Variants in CRB1 observed in about 807,000 individuals in gnomAD.
CRB1 encodes protein crumbs homolog 1.
A neutral mutation model predicts 120.0 loss-of-function variants in CRB1; 83 were observed. That is an observed-to-expected ratio of 0.69 (90% CI 0.58 to 0.83). The LOEUF (loss-of-function observed/expected upper bound fraction) is 0.83. Among genes scored for constraint, CRB1 ranks in the 40% least tolerant of loss-of-function variants. The pLI, the probability that CRB1 is intolerant of heterozygous loss-of-function variation, is 0.00. For missense variants in CRB1, 1,699 were observed against 1,687.6 expected (o/e 1.01, Z -0.12); for synonymous variants, 625 against 612.5 (o/e 1.02, Z -0.30).
intron 5 of CRB1, among the ~76,000 whole-genome samples, chr1:197,375,961 C>T (rs773257785): frequency 2.6e-5 from 4 of 152,140 alleles, no homozygotes; most frequent in Non-Finnish European, 5.9e-5. Context: ...GAAAACTTCC[C>T]TGTCAACAAT....
In CRB1 at chr1:197,396,748, T is replaced by C. The variant is rs149359082; in HGVS notation, c.1172-24252T>C. On this transcript the variant is annotated intron_variant, in intron 5 of 11. Coordinates refer to ENST00000367400, the MANE Select transcript of CRB1 (RefSeq NM_201253.3). ...CTCTCAACAAACAAAGCTAGCACAATGCATGCAGCCATATTGCAGGGAAAT... is the reference window on the plus strand; with the variant it reads ...CTCTCAACAAACAAAGCTAGCACAACGCATGCAGCCATATTGCAGGGAAAT... 1.1e-3 allele frequency among the ~76,000 whole-genome samples: 171 copies of C among 152,254 alleles called. 1 individual carries two copies. The highest frequency in any genetic ancestry group is 2.0e-3 in the Non-Finnish European group (137 of 67,990).
At chr1:197,381,749 A>C (rs1394675726) in intron 5 of CRB1, among the ~76,000 whole-genome samples, 1 of 152,218 alleles carries the variant, frequency 6.6e-6, no homozygotes, top group Non-Finnish European at 1.5e-5. Context: ...TTAATATGAA[A>C]ACTTTCCACA....
upstream of CRB1, among the ~76,000 whole-genome samples, chr1:197,263,966 T>A (rs760268091): frequency 2.6e-5 from 4 of 151,798 alleles, no homozygotes; most frequent in Non-Finnish European, 5.9e-5. Flanking sequence ...AAATACATTC[T>A]TTTATCTCTT....
chr1:197,283,209 A>C (rs1655631712), intron 1 of CRB1, among the ~76,000 whole-genome samples: 1 of 151,888 alleles, frequency 6.6e-6, no homozygotes, highest in Non-Finnish European at 1.5e-5. Flanking sequence ...AAAACAAAGA[A>C]AAATTCTGGA....
chr1:197,451,540 G>T (rs889888704), intron 11 of CRB1, among the ~76,000 whole-genome samples: 4 of 152,168 alleles, frequency 2.6e-5, no homozygotes, highest in African/African-American at 7.2e-5. Flanking sequence ...GATTTATTAT[G>T]CTGCTTTCTC....
Position 197,434,848 on chromosome 1 carries a change from G to T in CRB1, c.2985G>T (p.Glu995Asp), listed in dbSNP as rs747788050. 2.1e-5 allele frequency: 34 copies of T among 1,613,786 alleles called. No homozygotes were observed. In the African/African-American group the frequency reaches 2.9e-4, roughly 14 times the overall value. The change falls in exon 9 of 12, where the codon GAG becomes GAT. Residue 995 changes from glutamate (E) to aspartate (D), a missense_variant. Glu to Asp is a conservative substitution (Grantham distance 45). Transcript: ENST00000367400. ...TAATAATATTGCATGCAGAAAAAGA[G>T]CCTGAATTTCTTAATATTAGCATTC... ...ANVIILHAEK[E>D]PEFLNISIQD...
In CRB1 at chr1:197,351,537, C is replaced by T. The variant is rs564637389; in HGVS notation, c.988+4058C>T. ...GCCAGATCACAAAACTCCATATCTG[C>T]CCTGCCAACTACGGGGCAGAGAAAT... is the stretch of plus-strand genomic sequence containing the variant. On this transcript the variant is annotated intron_variant, in intron 4 of 11. Transcript: ENST00000367400. Among the ~76,000 whole-genome samples, 49 of 152,198 alleles carry T rather than the reference C, an allele frequency of 3.2e-4. 1 individual carries two copies. Among genetic ancestry groups the T allele is most frequent in the Admixed American group, 2.0e-3 (30 of 15,278 alleles).
the CRB1 span, among the ~76,000 whole-genome samples, chr1:197,201,513 C>T: frequency 2.6e-5 from 4 of 152,220 alleles, no homozygotes; most frequent in Non-Finnish European, 4.4e-5. Flanking sequence ...CGTACTCCCT[C>T]GGAGACCCTA....
In CRB1 at chr1:197,421,594, AGAAATGCATC is replaced by A. The variant is rs1664325040; in HGVS notation, c.1768_1777del (p.Lys590ArgfsTer28). ...ACCTTAATCGACGACTCCTGTAAGG[AGAAATGCATC>A]GCGAAAGCTCCTACTCCACTTGAAA... On this transcript the variant is annotated frameshift_variant, in exon 6 of 12. Coordinates refer to ENST00000367400, the MANE Select transcript of CRB1 (RefSeq NM_201253.3). LOFTEE classifies it high-confidence loss of function. The A allele has an allele frequency of 6.2e-7, 1 of 1,614,128 alleles. No homozygotes were observed. The highest frequency in any genetic ancestry group is 1.3e-5 in the African/African-American group (1 of 74,944).
chr1:197,478,128 C>T lies in CRB1; in HGVS notation c.*249C>T. On this transcript the variant is annotated 3_prime_UTR_variant, in exon 12 of 12. Coordinates refer to ENST00000367400, the MANE Select transcript of CRB1 (RefSeq NM_201253.3). ...ATTTCAGCCTTATAATTAGCAAAAA[C>T]ATCTTCCAGAGAATAAAGTCTTCTG... 1.4e-5 allele frequency: 7 copies of T among 511,014 alleles called. No homozygotes were observed. Among genetic ancestry groups the T allele is most frequent in the South Asian group, 1.3e-4 (6 of 47,504 alleles). 31.7% of individuals were successfully genotyped at this position (511,014 alleles called of 1,614,324 possible).
At chr1:197,222,579 G>T in the CRB1 span, 1 of 769,238 alleles carries the variant, frequency 1.3e-6, no homozygotes, top group East Asian at 2.4e-5. Context: ...AACTCCTGTT[G>T]TTTTGCAGTT....
At chr1:197,336,302 C>A (rs1659152732) in intron 2 of CRB1, among the ~76,000 whole-genome samples, 1 of 152,120 alleles carries the variant, frequency 6.6e-6, no homozygotes, top group African/African-American at 2.4e-5. Flanking sequence ...GGTGTTCTAT[C>A]TTTTCTAAAT....
Position 197,427,754 on chromosome 1 carries a change from C to G in CRB1, c.2429C>G (p.Ser810Cys). ...IKPYKIELYQ[S>C]SQNLGFISAS... ...CCATATAAAATTGAACTGTATCAGTCTTCACAAAACCTAGGATTTATTTCT... is the reference window on the plus strand; with the variant it reads ...CCATATAAAATTGAACTGTATCAGTGTTCACAAAACCTAGGATTTATTTCT... The change falls in exon 7 of 12, where the codon TCT becomes TGT. Residue 810 changes from serine to cysteine, a missense_variant. Physicochemically the swap from Ser to Cys is moderately radical, Grantham distance 112. Coordinates refer to ENST00000367400, the MANE Select transcript of CRB1 (RefSeq NM_201253.3). 6.2e-7 allele frequency: 1 copy of G among 1,613,932 alleles called. No homozygotes were observed. The highest frequency in any genetic ancestry group is 1.1e-5 in the South Asian group (1 of 91,078).
In CRB1 at chr1:197,427,587, TTTGGAAAACA is replaced by T. The variant is rs1301895052; in HGVS notation, c.2263_2272del (p.Leu755AlafsTer10). 3.1e-6 allele frequency: 5 copies of T among 1,614,004 alleles called. No individual in the cohort carries two copies. The highest frequency in any genetic ancestry group is 4.2e-6 in the Non-Finnish European group (5 of 1,179,998). ...TTCAACCATCAGGCTTACTTCTAGC[TTTGGAAAACA>T]GCACTTATCAATATATCCGTGTCTG... is the stretch of plus-strand genomic sequence containing the variant. On this transcript the variant is annotated frameshift_variant, in exon 7 of 12. Coordinates refer to ENST00000367400, the MANE Select transcript of CRB1 (RefSeq NM_201253.3). LOFTEE classifies it high-confidence loss of function.
intron 11 of CRB1, among the ~76,000 whole-genome samples, chr1:197,472,016 G>A (rs1558164485): frequency 6.6e-6 from 1 of 152,076 alleles, no homozygotes; most frequent in Non-Finnish European, 1.5e-5. Flanking sequence ...ATTCCAACTG[G>A]CATGTTAAAG....
intron 1 of CRB1, among the ~76,000 whole-genome samples, chr1:197,285,019 T>A (rs2125226579): frequency 6.6e-6 from 1 of 151,974 alleles, no homozygotes; most frequent in South Asian, 2.1e-4. Context: ...ATTACAGGAA[T>A]ATTGAGGGAT....
intron 5 of CRB1, among the ~76,000 whole-genome samples, chr1:197,402,964 C>T (rs902771409): frequency 6.6e-6 from 1 of 152,216 alleles, no homozygotes. Context: ...AGTCCTTAAT[C>T]CCATCCTGTT....
In CRB1 at chr1:197,424,840, ATG is replaced by A. The variant is rs568015515; in HGVS notation, c.2129-2610_2129-2609del. 1.3e-4 allele frequency among the ~76,000 whole-genome samples: 20 copies of A among 152,144 alleles called. No individual in the cohort carries two copies. In the East Asian group the frequency reaches 3.1e-3, roughly 24 times the overall value. Reference sequence around the variant, plus strand: ...CTTGCCAAAATTGTTTTTTATCTGTATGTGTTGTTCCTCTTCATGACATGTCA... The same window carrying A: ...CTTGCCAAAATTGTTTTTTATCTGTATGTTGTTCCTCTTCATGACATGTCA... On this transcript the variant is annotated intron_variant, in intron 6 of 11. Coordinates refer to ENST00000367400, the MANE Select transcript of CRB1 (RefSeq NM_201253.3).
At chr1:197,220,837 C>G in the CRB1 span, among the ~76,000 whole-genome samples, 115 of 152,216 alleles carry the variant, frequency 7.6e-4, 3 homozygotes, top group East Asian at 0.013. Context: ...CCATGTAAGA[C>G]GTGCTTGCTT....
Sources: allele counts gnomAD v4.1 joint callset (sites outside exome capture counted in the v4.1 genomes callset), GRCh38; gene constraint gnomAD v4.1.1; transcripts MANE v1.5; gene names NCBI Gene and HGNC (gene_info 2026-07-23, HGNC 2026-07-21).